The following AAMDC variants were observed in gnomAD, a reference collection of about 807,000 sequenced individuals.
The protein encoded by AAMDC is adipogenesis associated Mth938 domain containing.
AAMDC carries 16 observed loss-of-function variants against 15.5 expected under a neutral mutation model. The observed-to-expected ratio is 1.03, with a 90% CI of 0.70 to 1.57. The LOEUF (loss-of-function observed/expected upper bound fraction) is 1.57. AAMDC is among the 40% of genes most tolerant of loss of function. AAMDC has a pLI of 0.00. For synonymous variants in AAMDC, 51 were observed against 51.6 expected (o/e 0.99, Z 0.05); for missense variants, 141 against 144.9 (o/e 0.97, Z 0.14).
At chr11:77,891,392 C>A in intron 5 of AAMDC, 5 of 1,612,884 alleles carry the variant, frequency 3.1e-6, no homozygotes, top group Non-Finnish European at 3.4e-6. Context: ...AACCACCAAC[C>A]CAGAGGTAAA....
chr11:77,884,511 G>T (rs1192664162), intron 5 of AAMDC, among the ~76,000 whole-genome samples: 1 of 152,178 alleles, frequency 6.6e-6, no homozygotes, highest in Non-Finnish European at 1.5e-5. Flanking sequence ...CCAGCTCCCT[G>T]TGTAGACAGC....
intron 1 of AAMDC, among the ~76,000 whole-genome samples, chr11:77,825,846 T>C (rs1159182109): frequency 6.6e-6 from 1 of 152,010 alleles, no homozygotes; most frequent in Non-Finnish European, 1.5e-5. Flanking sequence ...CAAGTGCCAC[T>C]ACATCCGGCT....
At chr11:77,871,010 T>C (rs1202328603) in intron 3 of AAMDC, among the ~76,000 whole-genome samples, 1 of 152,262 alleles carries the variant, frequency 6.6e-6, no homozygotes, top group East Asian at 1.9e-4. Flanking sequence ...GGGCTTTATA[T>C]ATATAGGGCA....
chr11:77,874,781 A>G (rs892314629), downstream of AAMDC, among the ~76,000 whole-genome samples: 6 of 152,210 alleles, frequency 3.9e-5, no homozygotes, highest in Non-Finnish European at 7.3e-5. Flanking sequence ...TCACGCCTGT[A>G]ATCCCAGCGC....
downstream of AAMDC, among the ~76,000 whole-genome samples, chr11:77,902,170 T>G (rs1952798578): frequency 6.6e-6 from 1 of 152,184 alleles, no homozygotes; most frequent in Non-Finnish European, 1.5e-5. Flanking sequence ...GACTCCAGAC[T>G]CTCTTACAAT....
chr11:77,860,759 C>T (rs1433127159), intron 2 of AAMDC, among the ~76,000 whole-genome samples: 1 of 151,988 alleles, frequency 6.6e-6, no homozygotes, highest in African/African-American at 2.4e-5. Flanking sequence ...TCAGGATGTA[C>T]AGGGATGCAG....
At chr11:77,877,025 C>A, downstream of AAMDC, 1 of 703,118 alleles carries the variant, frequency 1.4e-6, no homozygotes, top group South Asian at 1.5e-5. Flanking sequence ...AGCTTCATGG[C>A]ACATCCTTGA....
intron 5 of AAMDC, among the ~76,000 whole-genome samples, chr11:77,888,326 G>C (rs1952109212): frequency 6.6e-6 from 1 of 152,178 alleles, no homozygotes; most frequent in Non-Finnish European, 1.5e-5. Flanking sequence ...AATGGGGAAA[G>C]GATTCCCTAT....
At chr11:77,843,630 TA>T (rs1184343539) in intron 2 of AAMDC, among the ~76,000 whole-genome samples, 6 of 152,042 alleles carry the variant, frequency 3.9e-5, no homozygotes, top group Admixed American at 6.6e-5. Flanking sequence ...CTGGCTTCTA[TA>T]AAAAAAATTG....
chr11:77,888,155 G>A (rs1952099445), intron 5 of AAMDC, among the ~76,000 whole-genome samples: 1 of 152,174 alleles, frequency 6.6e-6, no homozygotes. Flanking sequence ...GAGGCATCAT[G>A]CTACCTGACT....
At chr11:77,886,616 T>C (rs967748481) in intron 5 of AAMDC, among the ~76,000 whole-genome samples, 1 of 152,154 alleles carries the variant, frequency 6.6e-6, no homozygotes, top group Non-Finnish European at 1.5e-5. Flanking sequence ...CCACTGTCCC[T>C]ACCTACTATC....
intron 1 of AAMDC, among the ~76,000 whole-genome samples, chr11:77,825,932 T>C (rs1323424234): frequency 1.3e-5 from 2 of 152,114 alleles, no homozygotes; most frequent in Non-Finnish European, 2.9e-5. Context: ...CCTCAGATGA[T>C]CTGCTCACCT....
At chr11:77,878,500 C>A (rs1165046194) in intron 5 of AAMDC, among the ~76,000 whole-genome samples, 1 of 151,824 alleles carries the variant, frequency 6.6e-6, no homozygotes, top group African/African-American at 2.4e-5. Context: ...CAGCAACTGT[C>A]AATGGTAAAA....
At chr11:77,887,484 T>C (rs3018414) in intron 5 of AAMDC, among the ~76,000 whole-genome samples, 30,906 of 151,916 alleles carry the variant, frequency 0.2, 3,198 homozygotes, top group Middle Eastern at 0.24. Flanking sequence ...GGGCAAAAAC[T>C]GGAAGCATTC....
chr11:77,900,762 T>C (rs1320835636), downstream of AAMDC: 2 of 605,644 alleles, frequency 3.3e-6, no homozygotes, highest in East Asian at 2.8e-5. Context: ...AAAATGTGTA[T>C]CTTGGAATCA....
intron 2 of AAMDC, among the ~76,000 whole-genome samples, chr11:77,851,891 T>C (rs568754057): frequency 1.3e-5 from 2 of 152,196 alleles, no homozygotes; most frequent in East Asian, 3.9e-4. Flanking sequence ...AAGGCCTCTG[T>C]TGAACTTCTT....
intron 2 of AAMDC, among the ~76,000 whole-genome samples, chr11:77,856,395 C>T (rs987818392): frequency 6.6e-6 from 1 of 152,176 alleles, no homozygotes; most frequent in Non-Finnish European, 1.5e-5. Context: ...TTCTTCTGAG[C>T]CCTTCAAACT....
intron 5 of AAMDC, among the ~76,000 whole-genome samples, chr11:77,893,695 C>T (rs1438058965): frequency 7.9e-5 from 12 of 152,038 alleles, no homozygotes; most frequent in Admixed American, 5.9e-4. Flanking sequence ...GAGTTAGAGA[C>T]CAGCCTGGCC....
chr11:77,903,781 A>G (rs1213399311), downstream of AAMDC, among the ~76,000 whole-genome samples: 2 of 152,232 alleles, frequency 1.3e-5, no homozygotes, highest in Non-Finnish European at 2.9e-5. Context: ...TTATGGAGAA[A>G]GATGAGACCA....
Sources: allele counts gnomAD v4.1 joint callset (sites outside exome capture counted in the v4.1 genomes callset), GRCh38; gene constraint gnomAD v4.1.1; transcripts MANE v1.5; gene names NCBI Gene and HGNC (gene_info 2026-07-23, HGNC 2026-07-21).